Variants in PRKCB observed in about 807,000 individuals in gnomAD.
The protein encoded by PRKCB is protein kinase C beta.
In PRKCB, 13 loss-of-function variants were observed where a neutral mutation model predicts 81.5. That is an observed-to-expected ratio of 0.16 (90% CI 0.10 to 0.25). The LOEUF is 0.25. PRKCB is among the 10% of genes least tolerant of loss of function. The pLI is 1.00. For synonymous variants in PRKCB, 335 were observed against 321.4 expected, an observed-to-expected ratio of 1.04 and a Z score of -0.45; for missense variants, 509 against 875.7, an observed-to-expected ratio of 0.58 and a Z score of 5.29.
At chr16:23,971,441 CCTT>C (rs147439732) in intron 2 of PRKCB, among the ~76,000 whole-genome samples, 1,644 of 152,276 alleles carry the variant, frequency 0.011, 30 homozygotes, top group African/African-American at 0.037. Flanking sequence ...CATTCTCCTG[CCTT>C]CTTTGTCCTA....
At position 24,193,460 on chromosome 16, in the gene PRKCB, T is replaced by TAAATA. The variant is rs1555501761; in HGVS notation, c.1863+2233_1863+2237dup. On this transcript the variant is annotated intron_variant, in intron 16 of 16. Coordinates refer to ENST00000643927, the MANE Select transcript of PRKCB (RefSeq NM_002738.7). ...ACTCCATCTCAAATAAATAAATAAA[T>TAAATA]AAATAAATAAATAAATAAATAAATA... is the stretch of plus-strand genomic sequence containing the variant. 4.0e-3 allele frequency among the ~76,000 whole-genome samples: 350 copies of TAAATA among 88,514 alleles called. 8 individuals are homozygous for TAAATA. Among genetic ancestry groups the TAAATA allele is most frequent in the African/African-American group, 9.4e-3 (256 of 27,114 alleles). 58.1% of individuals were successfully genotyped at this position (88,514 alleles called of 152,430 possible). A position where few individuals can be genotyped will look rare whatever the true frequency, so the allele number is the denominator to read the frequency against.
chr16:24,025,055 G>A (rs1375278179), intron 3 of PRKCB, among the ~76,000 whole-genome samples: 1 of 152,176 alleles, frequency 6.6e-6, no homozygotes, highest in African/African-American at 2.4e-5. Context: ...AGGGGAATGA[G>A]GTCAGAGGAG....
intron 2 of PRKCB, among the ~76,000 whole-genome samples, chr16:23,890,543 A>G (rs1963277357): frequency 6.6e-6 from 1 of 152,182 alleles, no homozygotes; most frequent in Non-Finnish European, 1.5e-5. Context: ...GAGCCTGGTC[A>G]CTTCCAACCG....
chr16:24,083,894 A>G (rs1966280903), intron 5 of PRKCB, among the ~76,000 whole-genome samples: 1 of 152,262 alleles, frequency 6.6e-6, no homozygotes, highest in South Asian at 2.1e-4. Context: ...GATAAAAGAC[A>G]CAAGTACACA....
intron 2 of PRKCB, among the ~76,000 whole-genome samples, chr16:23,882,021 T>TCTTTCTTTCTCTTTCTTTCTTC: frequency 1.8e-5 from 1 of 55,592 alleles, no homozygotes; most frequent in African/African-American, 5.9e-5. Flanking sequence ...TTTCTTTCTT[T>TCTTTCTTTCTCTTTCTTTCTTC]CTTCCTTCCT....
At chr16:24,176,388 G>A (rs1967531915) in intron 12 of PRKCB, among the ~76,000 whole-genome samples, 1 of 152,112 alleles carries the variant, frequency 6.6e-6, no homozygotes, top group Non-Finnish European at 1.5e-5. Flanking sequence ...ACTCCAGCCT[G>A]GGCAACAGAG....
intron 5 of PRKCB, among the ~76,000 whole-genome samples, chr16:24,074,708 A>C (rs147941726): frequency 6.2e-4 from 95 of 152,306 alleles, no homozygotes; most frequent in African/African-American, 2.1e-3. Flanking sequence ...ATTTGTCTGA[A>C]GCTTATAGGG....
chr16:23,971,310 T>C (rs1195452488), intron 2 of PRKCB, among the ~76,000 whole-genome samples: 1 of 152,128 alleles, frequency 6.6e-6, no homozygotes, highest in Non-Finnish European at 1.5e-5. Context: ...GAAATTCATA[T>C]TGGGGTTTGG....
At chr16:24,207,850 C>T (rs1968070932) in intron 16 of PRKCB, among the ~76,000 whole-genome samples, 1 of 152,116 alleles carries the variant, frequency 6.6e-6, no homozygotes, top group Non-Finnish European at 1.5e-5. Context: ...GGCAAGTGTT[C>T]CTGGCAGAGG....
intron 2 of PRKCB, among the ~76,000 whole-genome samples, chr16:23,982,325 C>CCCCTTCCCTTTCCCTTT (rs1454681159): frequency 1.9e-5 from 2 of 104,582 alleles, no homozygotes; most frequent in African/African-American, 7.4e-5. Context: ...CCTTTCCCTT[C>CCCCTTCCCTTTCCCTTT]CCCTTCCCTT....
In PRKCB at chr16:24,191,130, C is replaced by A. The variant is rs35631544; in HGVS notation, c.1763C>A (p.Pro588His). ...KHPGKRLGCG[P>H]EGERDIKEHA... Reference sequence around the variant, plus strand: ...CCAGGCAAACGTCTGGGTTGTGGACCTGAAGGCGAACGTGATATCAAAGAG... The same window carrying A: ...CCAGGCAAACGTCTGGGTTGTGGACATGAAGGCGAACGTGATATCAAAGAG... The change falls in exon 16 of 17, where the codon CCT becomes CAT. Residue 588 changes from proline (P) to histidine (H), a missense_variant. Transcript: ENST00000643927. The A allele has an allele frequency of 9.2e-4, 1,491 of 1,614,000 alleles. 3 individuals are homozygous for A. Among genetic ancestry groups the A allele is most frequent in the Non-Finnish European group, 1.1e-3 (1,342 of 1,179,976 alleles).
At chr16:24,049,009 G>A (rs1965800823) in intron 5 of PRKCB, among the ~76,000 whole-genome samples, 1 of 140,896 alleles carries the variant, frequency 7.1e-6, no homozygotes, top group African/African-American at 2.6e-5. Flanking sequence ...TTGCTGGACT[G>A]TGAGGCTGAA....
chr16:24,053,502 GT>G (rs1193164705), intron 5 of PRKCB, among the ~76,000 whole-genome samples: 1 of 152,348 alleles, frequency 6.6e-6, no homozygotes, highest in East Asian at 1.9e-4. Context: ...GACCTCTGTT[GT>G]AGTGTGGGAG....
intron 3 of PRKCB, among the ~76,000 whole-genome samples, chr16:23,988,985 G>T (rs1221589285): frequency 6.6e-6 from 1 of 152,000 alleles, no homozygotes; most frequent in African/African-American, 2.4e-5. Flanking sequence ...TTTTCAGATG[G>T]AGTCTTGCTC....
intron 9 of PRKCB, among the ~76,000 whole-genome samples, chr16:24,153,717 G>T (rs935361409): frequency 3.9e-5 from 6 of 152,176 alleles, no homozygotes; most frequent in African/African-American, 1.4e-4. Context: ...CTGGTTAACT[G>T]GCCCTGAATA....
Position 24,214,847 on chromosome 16 carries a change from T to C in PRKCB, c.*31T>C, listed in dbSNP as rs751735189. On this transcript the variant is annotated 3_prime_UTR_variant, in exon 17 of 17. Coordinates refer to ENST00000643927, the MANE Select transcript of PRKCB (RefSeq NM_002738.7). ...TGTGTAGATCTCCGTCCTTCATTTC[T>C]GTCATTCAAGCTCAACGGCTATTGT... 6.3e-7 allele frequency: 1 copy of C among 1,581,504 alleles called. No individual in the cohort carries two copies. Among genetic ancestry groups the C allele is most frequent in the Non-Finnish European group, 8.6e-7 (1 of 1,165,022 alleles).
At chr16:23,845,778 C>G (rs889437161) in intron 2 of PRKCB, among the ~76,000 whole-genome samples, 1 of 152,216 alleles carries the variant, frequency 6.6e-6, no homozygotes, top group African/African-American at 2.4e-5. Context: ...TGACAGAGAA[C>G]TTCATCTCCT....
intron 2 of PRKCB, among the ~76,000 whole-genome samples, chr16:23,961,285 T>C (rs1265307884): frequency 6.6e-6 from 1 of 152,194 alleles, no homozygotes; most frequent in Non-Finnish European, 1.5e-5. Context: ...ACAGAAAATC[T>C]GACTCAAATT....
intron 5 of PRKCB, among the ~76,000 whole-genome samples, chr16:24,067,657 T>C (rs187968867): frequency 2.4e-4 from 37 of 152,302 alleles, no homozygotes; most frequent in African/African-American, 8.4e-4. Context: ...GAATTTCAGA[T>C]GATTCCTTGC....
Sources: allele counts gnomAD v4.1 joint callset (sites outside exome capture counted in the v4.1 genomes callset), GRCh38; gene constraint gnomAD v4.1.1; transcripts MANE v1.5; gene names NCBI Gene and HGNC (gene_info 2026-07-23, HGNC 2026-07-21).